Variants in CCSER1 observed in about 807,000 individuals in gnomAD.
CCSER1 encodes serine-rich coiled-coil domain-containing protein 1.
CCSER1 carries 41 observed loss-of-function variants against 82.0 expected under a neutral mutation model. That is an observed-to-expected ratio of 0.50 (90% CI 0.39 to 0.65). The LOEUF is 0.65. Among genes scored for constraint, CCSER1 ranks in the 30% least tolerant of loss-of-function variants. The pLI, the probability that CCSER1 is intolerant of heterozygous loss-of-function variation, is 0.00. For missense variants in CCSER1, 1,119 were observed against 1,064.2 expected, an observed-to-expected ratio of 1.05 and a Z score of -0.72; for synonymous variants, 414 against 383.9, an observed-to-expected ratio of 1.08 and a Z score of -0.92.
intron 10 of CCSER1, among the ~76,000 whole-genome samples, chr4:91,548,975 C>T (rs915675895): frequency 2.6e-5 from 4 of 152,116 alleles, no homozygotes; most frequent in African/African-American, 9.7e-5. Context: ...GCTTCTCCTT[C>T]TGATATTCCC....
chr4:91,298,345 A>G (rs1303348608), intron 10 of CCSER1, among the ~76,000 whole-genome samples: 1 of 152,038 alleles, frequency 6.6e-6, no homozygotes, highest in Non-Finnish European at 1.5e-5. Context: ...TGTGAACATC[A>G]CAGCTGCCCA....
chr4:91,092,191 C>A (rs763841362), intron 10 of CCSER1, among the ~76,000 whole-genome samples: 4 of 152,148 alleles, frequency 2.6e-5, no homozygotes, highest in Non-Finnish European at 5.9e-5. Context: ...GGTTGGTAGG[C>A]GGCATGTAGC....
chr4:91,107,030 T>A (rs1725685233), intron 10 of CCSER1, among the ~76,000 whole-genome samples: 1 of 152,206 alleles, frequency 6.6e-6, no homozygotes, highest in Admixed American at 6.5e-5. Flanking sequence ...TTTGATAACA[T>A]ATTTTCACTG....
chr4:91,220,431 G>T (rs1227407646), intron 10 of CCSER1, among the ~76,000 whole-genome samples: 1 of 152,180 alleles, frequency 6.6e-6, no homozygotes, highest in African/African-American at 2.4e-5. Flanking sequence ...TTATGATTAT[G>T]TGATTAACAG....
Position 91,134,952 on chromosome 4 carries a change from C to T in CCSER1, c.2217+48958C>T, listed in dbSNP as rs1032017611. On this transcript the variant is annotated intron_variant, in intron 10 of 10. Coordinates refer to ENST00000509176, the MANE Select transcript of CCSER1 (RefSeq NM_001145065.2). ...GCGCATGCTTGTAGTCCCAGCTACT[C>T]GGGAGGCTGAGGCAGGAGAATCGCG... Among the ~76,000 whole-genome samples, 15 of 151,582 alleles carry T rather than the reference C, an allele frequency of 9.9e-5. 1 individual carries two copies. In the East Asian group the frequency reaches 2.5e-3, roughly 26 times the overall value.
chr4:91,082,841 C>T (rs1442476403), intron 9 of CCSER1, among the ~76,000 whole-genome samples: 1 of 152,168 alleles, frequency 6.6e-6, no homozygotes, highest in African/African-American at 2.4e-5. Context: ...CAGAGAAATG[C>T]AAATCAAAAC....
chr4:90,369,215 GA>G (rs1317605714), intron 3 of CCSER1, among the ~76,000 whole-genome samples: 11 of 124,558 alleles, frequency 8.8e-5, no homozygotes, highest in Admixed American at 1.6e-4. Flanking sequence ...GAAAGAAGAA[GA>G]AAGAAAGGGG....
intron 7 of CCSER1, among the ~76,000 whole-genome samples, chr4:90,787,269 G>GA (rs1754639146): frequency 6.6e-6 from 1 of 152,162 alleles, no homozygotes; most frequent in Admixed American, 6.5e-5. Flanking sequence ...CCCCAAGAAA[G>GA]AAAGGAGAGA....
chr4:90,374,192 G>T (rs1330966808), intron 3 of CCSER1, among the ~76,000 whole-genome samples: 17 of 152,200 alleles, frequency 1.1e-4, no homozygotes, highest in Admixed American at 9.2e-4. Flanking sequence ...TGAGACGCTT[G>T]TGGGTCAATT....
chr4:90,566,695 A>C (rs551197186), intron 5 of CCSER1, among the ~76,000 whole-genome samples: 14 of 150,216 alleles, frequency 9.3e-5, no homozygotes, highest in Non-Finnish European at 1.5e-4. Context: ...GTCCGCCTCC[A>C]GGGTTCACGC....
chr4:91,314,433 A>C (rs1020060393), intron 10 of CCSER1, among the ~76,000 whole-genome samples: 1 of 151,934 alleles, frequency 6.6e-6, no homozygotes, highest in Non-Finnish European at 1.5e-5. Flanking sequence ...AATGCAAACT[A>C]TATGTCATAA....
intron 10 of CCSER1, among the ~76,000 whole-genome samples, chr4:91,365,864 G>T (rs1290455347): frequency 6.6e-6 from 1 of 152,144 alleles, no homozygotes; most frequent in Non-Finnish European, 1.5e-5. Flanking sequence ...CCAGTGTGGA[G>T]CGCAGTGCCT....
intron 10 of CCSER1, among the ~76,000 whole-genome samples, chr4:91,371,226 C>G (rs1035403707): frequency 6.6e-6 from 1 of 152,090 alleles, no homozygotes; most frequent in Non-Finnish European, 1.5e-5. Context: ...GTTGTGCTAT[C>G]TAATACTACA....
At chr4:90,661,988 GTTTC>G (rs1288825331) in intron 6 of CCSER1, among the ~76,000 whole-genome samples, 3 of 146,210 alleles carry the variant, frequency 2.1e-5, no homozygotes, top group Admixed American at 6.8e-5. Flanking sequence ...ACCACTCTTT[GTTTC>G]TTTCTTTCTT....
At chr4:91,417,111 C>CT (rs2149378956) in intron 10 of CCSER1, among the ~76,000 whole-genome samples, 1 of 152,218 alleles carries the variant, frequency 6.6e-6, no homozygotes, top group East Asian at 1.9e-4. Flanking sequence ...AAAAAAGCCT[C>CT]AACATCATTG....
chr4:91,485,193 G>A (rs114877955), intron 10 of CCSER1, among the ~76,000 whole-genome samples: 2,788 of 152,054 alleles, frequency 0.018, 76 homozygotes, highest in African/African-American at 0.061. Context: ...CAATAACCCA[G>A]CACCAATTTA....
chr4:90,198,063 T>G (rs1221492405), intron 1 of CCSER1, among the ~76,000 whole-genome samples: 1 of 152,184 alleles, frequency 6.6e-6, no homozygotes, highest in African/African-American at 2.4e-5. Flanking sequence ...ACCTATTATG[T>G]ACCAACAAAA....
intron 5 of CCSER1, among the ~76,000 whole-genome samples, chr4:90,597,904 T>C (rs1783535254): frequency 6.6e-6 from 1 of 152,218 alleles, no homozygotes; most frequent in Non-Finnish European, 1.5e-5. Context: ...ATTCTTTCTG[T>C]GTCTGGTTTA....
At chr4:91,268,673 G>A (rs1360530287) in intron 10 of CCSER1, among the ~76,000 whole-genome samples, 1 of 152,130 alleles carries the variant, frequency 6.6e-6, no homozygotes, top group Non-Finnish European at 1.5e-5. Context: ...TAGGGGTGGG[G>A]CTGTTTTATA....
Sources: gnomAD v4.1 joint callset for allele counts (sites outside exome capture counted in the v4.1 genomes callset) on GRCh38, gnomAD v4.1.1 for gene constraint, MANE v1.5 for transcripts, NCBI Gene and HGNC (gene_info 2026-07-23, HGNC 2026-07-21) for gene names.